Variants in ETFA observed in about 807,000 individuals in gnomAD.
ETFA encodes the protein electron transfer flavoprotein subunit alpha.
A neutral mutation model predicts 46.2 loss-of-function variants in ETFA; 22 were observed. The ratio of observed to expected loss-of-function variants is 0.48; its 90% CI spans 0.34 to 0.68. The LOEUF (loss-of-function observed/expected upper bound fraction) is 0.68. Among genes scored for constraint, ETFA ranks in the 30% least tolerant of loss-of-function variants. The pLI is 0.01. For synonymous variants in ETFA, 131 were observed against 139.9 expected (o/e 0.94, Z 0.45); for missense variants, 345 against 401.1 (o/e 0.86, Z 1.19).
intron 9 of ETFA, among the ~76,000 whole-genome samples, chr15:76,231,807 A>G (rs963995842): frequency 1.3e-5 from 2 of 152,220 alleles, no homozygotes; most frequent in Non-Finnish European, 2.9e-5. Flanking sequence ...CACACATTGT[A>G]TATTAACATA....
intron 9 of ETFA, among the ~76,000 whole-genome samples, chr15:76,244,637 T>C (rs113536774): frequency 4.7e-4 from 71 of 149,748 alleles, no homozygotes; most frequent in African/African-American, 1.6e-3. Context: ...CCTGAAACTA[T>C]ATGAGAAAAT....
At chr15:76,284,087 G>C (rs974449266) in intron 7 of ETFA, among the ~76,000 whole-genome samples, 2 of 151,960 alleles carry the variant, frequency 1.3e-5, no homozygotes, top group African/African-American at 4.8e-5. Flanking sequence ...TTAATTTCAG[G>C]ATCTATATCT....
intron 4 of ETFA, among the ~76,000 whole-genome samples, chr15:76,289,482 A>G (rs1425830453): frequency 6.6e-6 from 1 of 152,166 alleles, no homozygotes; most frequent in Admixed American, 6.5e-5. Flanking sequence ...CTTGTTTAAC[A>G]TATCTTCAAG....
Position 76,216,531 on chromosome 15 carries a change from AG to A in ETFA, c.*27del, listed in dbSNP as rs746324276. ...GATTTCAGTGGAATACTTTAACAAA[AG>A]TTTTCTTTTTAAGGCATGATCCTGA... On this transcript the variant is annotated 3_prime_UTR_variant, in exon 12 of 12. Coordinates refer to ENST00000557943, the MANE Select transcript of ETFA (RefSeq NM_000126.4). 1.5e-6 allele frequency: 2 copies of A among 1,370,788 alleles called. No homozygotes were observed. The highest frequency in any genetic ancestry group is 3.4e-5 in the Admixed American group (2 of 59,498). 84.9% of individuals were successfully genotyped at this position (1,370,788 alleles called of 1,614,324 possible). A position where few individuals can be genotyped will look rare whatever the true frequency, so the allele number is the denominator to read the frequency against.
chr15:76,306,782 T>C (rs2039944591), intron 1 of ETFA, among the ~76,000 whole-genome samples: 1 of 152,204 alleles, frequency 6.6e-6, no homozygotes, highest in African/African-American at 2.4e-5. Context: ...AAATGTTATA[T>C]GACATTGACT....
chr15:76,230,539 C>T (rs934663156), intron 10 of ETFA: 1 of 57,356 alleles, frequency 1.7e-5, no homozygotes, highest in African/African-American at 6.1e-5. Context: ...AGCTCCGCCT[C>T]CCGGTTCACG....
At chr15:76,267,890 T>C (rs1485412041) in intron 9 of ETFA, among the ~76,000 whole-genome samples, 2 of 152,184 alleles carry the variant, frequency 1.3e-5, no homozygotes, top group South Asian at 2.1e-4. Flanking sequence ...TTTGCTTGTG[T>C]CTCTCCAGGT....
At chr15:76,288,255 T>C (rs2039720705) in intron 4 of ETFA, among the ~76,000 whole-genome samples, 1 of 152,166 alleles carries the variant, frequency 6.6e-6, no homozygotes, top group South Asian at 2.1e-4. Flanking sequence ...GTGACAGTTG[T>C]GGATTATTGA....
At chr15:76,304,991 C>T (rs1221357834) in intron 1 of ETFA, among the ~76,000 whole-genome samples, 1 of 150,878 alleles carries the variant, frequency 6.6e-6, no homozygotes, top group Non-Finnish European at 1.5e-5. Flanking sequence ...TGCAGTGAGT[C>T]GAGATGGCGC....
Position 76,274,483 on chromosome 15 carries a change from G to A in ETFA, c.745C>T (p.Arg249Cys), listed in dbSNP as rs1353938548. 9 of 1,606,296 alleles carry A rather than the reference G, an allele frequency of 5.6e-6. No individual in the cohort carries two copies. The highest frequency in any genetic ancestry group is 6.8e-6 in the Non-Finnish European group (8 of 1,175,106). The change falls in exon 9 of 12, where the codon CGT becomes TGT. Residue 249 changes from arginine to cysteine, a missense_variant. Coordinates refer to ENST00000557943, the MANE Select transcript of ETFA (RefSeq NM_000126.4). ...ACAAAGCCAGCATCAACAGCAGCAC[G>A]GGAAGCACCAACTAAGGGGAAAAAA... ...DQLHAAVGAS[R>C]AAVDAGFVPN...
intron 9 of ETFA, among the ~76,000 whole-genome samples, chr15:76,265,557 G>C (rs190044068): frequency 6.6e-6 from 1 of 152,128 alleles, no homozygotes; most frequent in Non-Finnish European, 1.5e-5. Context: ...CAATGGCCTC[G>C]ACACTTGCCC....
At chr15:76,218,279 T>C (rs532868259) in intron 11 of ETFA, among the ~76,000 whole-genome samples, 41 of 152,290 alleles carry the variant, frequency 2.7e-4, no homozygotes, top group Non-Finnish European at 4.7e-4. Flanking sequence ...TTTTTTTTTC[T>C]TTTCCAAGAC....
At position 76,225,969 on chromosome 15, in the gene ETFA, A is replaced by G. The variant is rs762457470; in HGVS notation, c.883-40T>C. The G allele has an allele frequency of 9.5e-6, 11 of 1,160,796 alleles. No individual in the cohort carries two copies. In the Middle Eastern group the frequency reaches 1.3e-3, roughly 142 times the overall value. The allele number at this position is 1,160,796 out of a possible 1,614,324, so 71.9% of individuals were successfully genotyped here. A position where few individuals can be genotyped will look rare whatever the true frequency, so the allele number is the denominator to read the frequency against. On this transcript the variant is annotated intron_variant, in intron 10 of 11. Coordinates refer to ENST00000557943, the MANE Select transcript of ETFA (RefSeq NM_000126.4). ...CAAAGAGTTTGACTTTTACCAAGAA[A>G]ACATTTCACACAGACTGATAGTTCT...
intron 10 of ETFA, chr15:76,226,421 T>C (rs1379607073): frequency 6.1e-6 from 1 of 162,722 alleles, no homozygotes; most frequent in Non-Finnish European, 1.3e-5. Context: ...CTGTCTCTAC[T>C]AAAAATACAA....
At chr15:76,233,701 C>T (rs1361632211) in intron 9 of ETFA, among the ~76,000 whole-genome samples, 1 of 152,202 alleles carries the variant, frequency 6.6e-6, no homozygotes, top group Non-Finnish European at 1.5e-5. Flanking sequence ...ATTTGTTAAA[C>T]TGTTAATCAA....
intron 9 of ETFA, among the ~76,000 whole-genome samples, chr15:76,232,349 A>C (rs1420796262): frequency 6.6e-6 from 1 of 152,228 alleles, no homozygotes; most frequent in East Asian, 1.9e-4. Context: ...GCTTCACTTG[A>C]AAACCTTTTC....
chr15:76,287,473 G>A (rs2039714381), intron 5 of ETFA, among the ~76,000 whole-genome samples: 1 of 152,138 alleles, frequency 6.6e-6, no homozygotes, highest in Admixed American at 6.6e-5. Context: ...TGGCTAAAAT[G>A]AATTTCTTAA....
intron 10 of ETFA, chr15:76,228,057 C>T (rs964502225): frequency 1.1e-5 from 5 of 441,436 alleles, no homozygotes; most frequent in Non-Finnish European, 2.3e-5. Flanking sequence ...GAATGTGTAA[C>T]CTGCTTCACG....
chr15:76,234,474 C>T (rs1194754394), intron 9 of ETFA, among the ~76,000 whole-genome samples: 5 of 152,182 alleles, frequency 3.3e-5, no homozygotes, highest in Non-Finnish European at 2.9e-5. Context: ...CCCTGAGGCA[C>T]TTTCCTTCTA....
Sources: allele counts gnomAD v4.1 joint callset (sites outside exome capture counted in the v4.1 genomes callset), GRCh38; gene constraint gnomAD v4.1.1; transcripts MANE v1.5; gene names NCBI Gene and HGNC (gene_info 2026-07-23, HGNC 2026-07-21).